Variants in IDS observed in about 807,000 individuals in gnomAD.
IDS encodes the protein iduronate 2-sulfatase, also known as alpha-L-iduronate sulfate sulfatase.
A neutral mutation model predicts 33.5 loss-of-function variants in IDS; 1 was observed. The ratio of observed to expected loss-of-function variants is 0.03; its 90% CI spans 0.01 to 0.14. The LOEUF (loss-of-function observed/expected upper bound fraction) is 0.14. Ranked by LOEUF, IDS falls within the 10% of genes least tolerant of loss-of-function variation. IDS has a pLI of 1.00. For missense variants in IDS, 328 were observed against 448.0 expected, an observed-to-expected ratio of 0.73 and a Z score of 2.42; for synonymous variants, 191 against 184.4, an observed-to-expected ratio of 1.04 and a Z score of -0.29.
intron 4 of IDS, among the ~76,000 whole-genome samples, chrX:149,500,172 C>T (rs2089468763): frequency 8.9e-6 from 1 of 111,738 alleles, no homozygotes; most frequent in Admixed American, 9.5e-5. Flanking sequence ...ACCTGGCATT[C>T]GTAAGTGAGG....
chrX:149,494,476 G>A (rs2089419768), intron 6 of IDS, among the ~76,000 whole-genome samples: 1 of 111,760 alleles, frequency 8.9e-6, no homozygotes. Flanking sequence ...GTAGAGCTGA[G>A]TTAGAGGGCT....
At chrX:149,487,803 A>C (rs1179088559) in intron 7 of IDS, among the ~76,000 whole-genome samples, 1 of 104,575 alleles carries the variant, frequency 9.6e-6, no homozygotes, top group African/African-American at 3.5e-5. Flanking sequence ...GATACAAAAA[A>C]TGTGCATGAC....
rs782229371 is a variant in IDS, at chrX:149,495,796, G to A, written c.879+550C>T. 43 of 121,371 alleles carry A rather than the reference G, an allele frequency of 3.5e-4. 1 individual carries two copies. Among genetic ancestry groups the A allele is most frequent in the Admixed American group, 4.8e-4 (6 of 12,519 alleles). 10.0% of individuals were successfully genotyped at this position (121,371 alleles called of 1,213,427 possible). A position where few individuals can be genotyped will look rare whatever the true frequency, so the allele number is the denominator to read the frequency against. On this transcript the variant is annotated intron_variant, in intron 6 of 8. Transcript: ENST00000340855. ...AGGATTCTAATTGTGTGGTTGCTCC[G>A]CCCCTAAATCATGGCAAAGGAATGC...
rs1382230677 is a variant in IDS, at chrX:149,505,134, G to T, written c.4C>A (p.Pro2Thr). 4 of 1,187,015 alleles carry T rather than the reference G, an allele frequency of 3.4e-6. No individual in the cohort carries two copies. The African/African-American group carries it at 7.1e-5, about 21-fold the overall frequency. The change falls in exon 1 of 9, where the codon CCG becomes ACG. Residue 2 changes from proline (P) to threonine (T), a missense_variant. Around this residue, in one of 4 missense-constraint regions of IDS, gnomAD observed 45 missense variants for 33.6 expected, o/e 1.34. Transcript: ENST00000340855. ...AGGCCTCGGCCGGTCCGGGGTGGCGGCATTTCGGCTTCGACGCGGCCGCTT... is the reference window on the plus strand; with the variant it reads ...AGGCCTCGGCCGGTCCGGGGTGGCGTCATTTCGGCTTCGACGCGGCCGCTT... M[P>T]PPRTGRGLLW...
At chrX:149,504,499 T>G (rs1274590046) in intron 1 of IDS, among the ~76,000 whole-genome samples, 1 of 111,381 alleles carries the variant, frequency 9.0e-6, no homozygotes, top group East Asian at 2.8e-4. Context: ...GCTTTGGTCA[T>G]GGCCTCCAAC....
intron 5 of IDS, 59 bp downstream of exon 5, chrX:149,498,048 C>T: frequency 9.4e-7 from 1 of 1,068,764 alleles, no homozygotes; most frequent in South Asian, 1.9e-5. Flanking sequence ...AAATCCCTCC[C>T]TCAACAAACA....
chrX:149,503,711 T>C (rs1480149799), intron 2 of IDS, among the ~76,000 whole-genome samples: 1 of 111,772 alleles, frequency 8.9e-6, no homozygotes, highest in Non-Finnish European at 1.9e-5. Flanking sequence ...AGCAGATGCT[T>C]ATCTCCTCCT....
chrX:149,490,306 A>G lies in IDS; in HGVS notation c.1006+8T>C, dbSNP rs782781942. 2.7e-5 allele frequency: 33 copies of G among 1,208,653 alleles called. 2 individuals carry two copies. The highest frequency in any genetic ancestry group is 1.5e-4 in the Admixed American group (7 of 45,755). ...TTTTGACTCACCAGGGAATTTCAAA[A>G]TGCTTACCATGATCCGAGGTAAATG... is the stretch of plus-strand genomic sequence containing the variant. On this transcript the variant is annotated splice_region_variant and intron_variant, in intron 7 of 8. Transcript: ENST00000340855.
chrX:149,493,526 CA>C (rs1163158296), intron 6 of IDS, among the ~76,000 whole-genome samples: 1 of 111,339 alleles, frequency 9.0e-6, no homozygotes, highest in African/African-American at 3.3e-5. Flanking sequence ...CAGAAACAGG[CA>C]GGGGCAAGGG....
At chrX:149,491,730 A>G (rs2089394183) in intron 6 of IDS, 1 of 868,582 alleles carries the variant, frequency 1.2e-6, no homozygotes, top group African/African-American at 2.0e-5. Context: ...CCTCCTTCCT[A>G]TGCTAGCCCC....
intron 5 of IDS, among the ~76,000 whole-genome samples, chrX:149,497,895 G>A (rs782661680): frequency 1.2e-4 from 13 of 112,436 alleles, no homozygotes; most frequent in South Asian, 7.3e-4. Flanking sequence ...GGAGTGAAGC[G>A]GAAAGCCAAG....
chrX:149,490,154 CAAGCTGATCATAAA>C (rs1230151111), intron 7 of IDS, among the ~76,000 whole-genome samples, 146 bp downstream of exon 7: 1 of 97,113 alleles, frequency 1.0e-5, no homozygotes, highest in East Asian at 3.8e-4. Context: ...TCAGGACTAA[CAAGCTGATCATAAA>C]AATGCCCCAG....
chrX:149,503,385 G>A lies in IDS; in HGVS notation c.345C>T (p.Asn115=), dbSNP rs1557340251. Reference sequence around the variant, plus strand: ...TGAAGTACTGGGGGATGGTGGAGAAGTTTCCAGCGTGCACCCTCCAGTAGG... The same window carrying A: ...TGAAGTACTGGGGGATGGTGGAGAAATTTCCAGCGTGCACCCTCCAGTAGG... ...FNSYWRVHAG[N]FSTIPQYFKE... is the part of the protein sequence containing the mutation. Residue 115 remains asparagine, a synonymous_variant, in exon 3 of 9, where the codon AAC becomes AAT. Coordinates refer to ENST00000340855, the MANE Select transcript of IDS (RefSeq NM_000202.8). 8.4e-7 allele frequency: 1 copy of A among 1,193,252 alleles called. No individual in the cohort carries two copies. The highest frequency in any genetic ancestry group is 1.8e-5 in the African/African-American group (1 of 56,474).
intron 6 of IDS, among the ~76,000 whole-genome samples, chrX:149,492,352 C>A (rs1303858942): frequency 1.8e-5 from 2 of 111,717 alleles, no homozygotes; most frequent in Non-Finnish European, 3.8e-5. Context: ...GAAGGCTTCA[C>A]AGAGGAGTTA....
rs2089278408 is a variant in IDS, at chrX:149,478,532, A to G, written c.*4214T>C. On this transcript the variant is annotated 3_prime_UTR_variant, in exon 9 of 9. Coordinates refer to ENST00000340855, the MANE Select transcript of IDS (RefSeq NM_000202.8). ...GTTAGATCAAAAAAACAAGATATAG[A>G]TTATATGTGGTAGTCTGCATGTATG... 8.9e-6 allele frequency: 1 copy of G among 112,861 alleles called. No individual in the cohort carries two copies. Among genetic ancestry groups the G allele is most frequent in the Non-Finnish European group, 1.9e-5 (1 of 53,384 alleles). 9.3% of individuals were successfully genotyped at this position (112,861 alleles called of 1,213,427 possible).
At position 149,486,983 on chromosome X, in the gene IDS, G is replaced by T. The variant is rs113993948; in HGVS notation, c.1122C>A (p.Gly374=). ...GGTCGAGGTAAGGGAAAAGCTTCTC[G>T]CCTGCCTCCGGAAGTGAAGCCGTCC... ...PGRTASLPEA[G]EKLFPYLDPF... The change falls in exon 8 of 9, where the codon GGC becomes GGA. Residue 374 remains glycine, a synonymous_variant. Coordinates refer to ENST00000340855, the MANE Select transcript of IDS (RefSeq NM_000202.8). 2 of 1,211,652 alleles carry T rather than the reference G, an allele frequency of 1.7e-6. No homozygotes were observed. The highest frequency in any genetic ancestry group is 2.2e-6 in the Non-Finnish European group (2 of 895,305).
intron 8 of IDS, among the ~76,000 whole-genome samples, chrX:149,486,617 G>T (rs1210555337): frequency 3.6e-5 from 4 of 112,188 alleles, no homozygotes; most frequent in African/African-American, 1.3e-4. Flanking sequence ...GCAGGCTCTT[G>T]TAGACTGTAC....
intron 6 of IDS, chrX:149,495,669 G>A (rs1260571856): frequency 2.6e-5 from 3 of 113,333 alleles, no homozygotes; most frequent in African/African-American, 9.8e-5. Context: ...GCATTCATGT[G>A]GTAAGAGAAG....
chrX:149,480,035 A>T lies in IDS; in HGVS notation c.*2711T>A. 3.5e-6 allele frequency: 1 copy of T among 285,795 alleles called. No individual in the cohort carries two copies. The highest frequency in any genetic ancestry group is 6.1e-6 in the Non-Finnish European group (1 of 163,010). The allele number at this position is 285,795 out of a possible 1,213,427, so 23.6% of individuals were successfully genotyped here. On this transcript the variant is annotated 3_prime_UTR_variant, in exon 9 of 9. Coordinates refer to ENST00000340855, the MANE Select transcript of IDS (RefSeq NM_000202.8). Reference sequence around the variant, plus strand: ...CATGAATGAATGGGTGAAGAGAGGGATGGGACAACCTAGTAGGAGGGAGGT... The same window carrying T: ...CATGAATGAATGGGTGAAGAGAGGGTTGGGACAACCTAGTAGGAGGGAGGT...
Sources: gnomAD v4.1 joint callset for allele counts (sites outside exome capture counted in the v4.1 genomes callset) on GRCh38, gnomAD v4.1.1 for gene constraint, gnomAD v4.1.1 regional missense constraint, MANE v1.5 for transcripts, NCBI Gene and HGNC (gene_info 2026-07-23, HGNC 2026-07-21) for gene names.